RIMS2: variants seen among roughly 807,000 people sequenced by gnomAD.
RIMS2 encodes regulating synaptic membrane exocytosis protein 2.
RIMS2 carries 59 observed loss-of-function variants against 174.4 expected under a neutral mutation model. That is an observed-to-expected ratio of 0.34 (90% CI 0.27 to 0.42). The LOEUF (loss-of-function observed/expected upper bound fraction) is 0.42. Among genes scored for constraint, RIMS2 ranks in the 10% least tolerant of loss-of-function variants. The pLI is 1.00. For synonymous variants in RIMS2, 606 were observed against 572.5 expected (o/e 1.06, Z -0.84); for missense variants, 1,620 against 1,666.3 (o/e 0.97, Z 0.48).
chr8:103,986,071 TGA>T (rs1300200577), intron 16 of RIMS2, among the ~76,000 whole-genome samples: 1 of 152,196 alleles, frequency 6.6e-6, no homozygotes, highest in Non-Finnish European at 1.5e-5. Context: ...TGAAAATTTC[TGA>T]GAGGGTAGAT....
intron 19 of RIMS2, among the ~76,000 whole-genome samples, chr8:104,201,353 T>C (rs939074451): frequency 4.6e-5 from 7 of 152,192 alleles, no homozygotes; most frequent in Non-Finnish European, 8.8e-5. Flanking sequence ...GTTTCTATAT[T>C]TTTTCAGAAC....
intron 1 of RIMS2, among the ~76,000 whole-genome samples, chr8:103,596,485 C>G (rs11785034): frequency 0.18 from 27,688 of 151,892 alleles, 2,771 homozygotes; most frequent in African/African-American, 0.26. Flanking sequence ...AATTAGCTCT[C>G]CTCATAAATG....
intron 17 of RIMS2, among the ~76,000 whole-genome samples, chr8:104,007,382 C>T (rs1322724803): frequency 6.6e-6 from 1 of 152,080 alleles, no homozygotes; most frequent in Non-Finnish European, 1.5e-5. Flanking sequence ...TCTTATTACT[C>T]TCATTGAAAA....
intron 19 of RIMS2, among the ~76,000 whole-genome samples, chr8:104,144,436 A>G (rs1367733187): frequency 2.0e-5 from 3 of 152,172 alleles, no homozygotes; most frequent in Non-Finnish European, 4.4e-5. Context: ...CATGACAAGA[A>G]CTAATGTGGG....
At chr8:103,968,686 A>G (rs1113324) in intron 15 of RIMS2, among the ~76,000 whole-genome samples, 4,576 of 152,138 alleles carry the variant, frequency 0.03, 211 homozygotes, top group African/African-American at 0.1. Context: ...TTAAGCATAC[A>G]TAATTGAATA....
chr8:103,667,585 G>A (rs2096687794), intron 1 of RIMS2, among the ~76,000 whole-genome samples: 1 of 152,184 alleles, frequency 6.6e-6, no homozygotes, highest in African/African-American at 2.4e-5. Context: ...AGCATAGGTT[G>A]TCCATAAATA....
rs1595572853 is a variant in RIMS2, at chr8:103,942,979, G to A, written c.2701+53G>A. ...TTTTATTGTATTTTCCTAATCTTGA[G>A]TGATGTATGTGATAAAGAACTTGAA... On this transcript the variant is annotated intron_variant, in intron 14 of 23. Coordinates refer to ENST00000504942, the Ensembl canonical transcript of RIMS2. 6 of 1,299,506 alleles carry A rather than the reference G, an allele frequency of 4.6e-6. No individual in the cohort carries two copies. In the East Asian group the frequency reaches 1.5e-4, roughly 32 times the overall value. The allele number at this position is 1,299,506 out of a possible 1,614,324, so 80.5% of individuals were successfully genotyped here.
intron 19 of RIMS2, among the ~76,000 whole-genome samples, chr8:104,192,590 A>T (rs1389471022): frequency 6.6e-6 from 1 of 152,186 alleles, no homozygotes; most frequent in African/African-American, 2.4e-5. Context: ...AGTATCATTC[A>T]AAACAAAATT....
intron 2 of RIMS2, among the ~76,000 whole-genome samples, chr8:103,750,101 G>A (rs1157637580): frequency 6.6e-6 from 1 of 151,898 alleles, no homozygotes; most frequent in Admixed American, 6.6e-5. Context: ...CCACTAGTCT[G>A]TGCTATAGCA....
At chr8:103,910,163 A>T in exon 5 of RIMS2, 1 of 1,612,170 alleles carries the variant, frequency 6.2e-7, no homozygotes, top group Non-Finnish European at 8.5e-7. Flanking sequence ...GTTGGATCAT[A>T]CGTCTTGGCA....
At chr8:103,650,876 C>T (rs1238735101) in intron 1 of RIMS2, among the ~76,000 whole-genome samples, 3 of 152,226 alleles carry the variant, frequency 2.0e-5, no homozygotes, top group Admixed American at 2.0e-4. Flanking sequence ...GCTGGAATTC[C>T]AAGCCAGTGG....
chr8:103,602,327 G>A (rs926565318), intron 1 of RIMS2, among the ~76,000 whole-genome samples: 2 of 152,048 alleles, frequency 1.3e-5, no homozygotes, highest in Non-Finnish European at 2.9e-5. Context: ...TTAGGTTTGG[G>A]GTTACGTGTG....
chr8:103,834,736 C>CTTTCTTTCTT (rs1564830416), intron 3 of RIMS2, among the ~76,000 whole-genome samples: 6 of 131,798 alleles, frequency 4.6e-5, no homozygotes, highest in Non-Finnish European at 9.5e-5. Context: ...TTCTTTCTTT[C>CTTTCTTTCTT]TTTCTTTCTC....
chr8:103,768,528 G>T (rs1038641823), intron 3 of RIMS2: 8 of 1,450,328 alleles, frequency 5.5e-6, no homozygotes, highest in Non-Finnish European at 6.8e-6. Context: ...GGGCATTCCT[G>T]TTACAGACCA....
chr8:103,729,785 A>G (rs1031605579), intron 2 of RIMS2, among the ~76,000 whole-genome samples: 2 of 151,996 alleles, frequency 1.3e-5, no homozygotes, highest in Non-Finnish European at 2.9e-5. Flanking sequence ...AGTTTCCTTC[A>G]TAATTTGTTC....
chr8:103,582,475 A>G (rs2093672480), intron 1 of RIMS2, among the ~76,000 whole-genome samples: 1 of 152,146 alleles, frequency 6.6e-6, no homozygotes, highest in Non-Finnish European at 1.5e-5. Context: ...TAGAGCACCA[A>G]GAGGGCTCTT....
intron 1 of RIMS2, among the ~76,000 whole-genome samples, chr8:103,656,029 G>T (rs1251097360): frequency 6.6e-6 from 1 of 152,142 alleles, no homozygotes; most frequent in African/African-American, 2.4e-5. Flanking sequence ...GCTAGTGATA[G>T]TGATAACCTG....
intron 1 of RIMS2, among the ~76,000 whole-genome samples, chr8:103,584,118 A>G (rs919098304): frequency 3.9e-5 from 6 of 152,232 alleles, no homozygotes; most frequent in Admixed American, 6.5e-5. Flanking sequence ...TAACATAAAT[A>G]GAGCTCCAGT....
intron 1 of RIMS2, among the ~76,000 whole-genome samples, chr8:103,624,178 A>G (rs2095717028): frequency 6.6e-6 from 1 of 152,166 alleles, no homozygotes; most frequent in Non-Finnish European, 1.5e-5. Context: ...GTGTCTGTGA[A>G]TGTGTTTCCA....
Sources: allele counts gnomAD v4.1 joint callset (sites outside exome capture counted in the v4.1 genomes callset), GRCh38; gene constraint gnomAD v4.1.1; transcripts MANE v1.5; gene names NCBI Gene and HGNC (gene_info 2026-07-23, HGNC 2026-07-21).